FHIT: variants seen among roughly 807,000 people sequenced by gnomAD.
FHIT encodes the protein fragile histidine triad diadenosine triphosphatase, also known as bis(5'-adenosyl)-triphosphatase.
Under a neutral mutation model 17.9 loss-of-function variants are expected in FHIT, and 19 were observed. The ratio of observed to expected loss-of-function variants is 1.06; its 90% CI spans 0.74 to 1.56. The LOEUF is 1.56. Ranked by LOEUF, FHIT falls within the 40% of genes most tolerant of loss-of-function variation. FHIT has a pLI of 0.00. For missense variants in FHIT, 248 were observed against 189.2 expected (o/e 1.31, Z -1.82); for synonymous variants, 81 against 69.7 (o/e 1.16, Z -0.81).
At chr3:60,272,844 A>G (rs1706929786) in intron 5 of FHIT, among the ~76,000 whole-genome samples, 1 of 152,224 alleles carries the variant, frequency 6.6e-6, no homozygotes, top group African/African-American at 2.4e-5. Context: ...AGAATGAAAC[A>G]TGATAGCTCC....
chr3:59,873,070 A>ATTCC (rs1197471642), intron 8 of FHIT, among the ~76,000 whole-genome samples: 2 of 152,164 alleles, frequency 1.3e-5, no homozygotes, highest in African/African-American at 4.8e-5. Flanking sequence ...TTTTGACACA[A>ATTCC]TTCCTTCCTT....
intron 8 of FHIT, among the ~76,000 whole-genome samples, chr3:59,880,585 AT>A (rs1703367334): frequency 6.6e-6 from 1 of 152,148 alleles, no homozygotes; most frequent in Non-Finnish European, 1.5e-5. Flanking sequence ...CAAGCACTCA[AT>A]TTCTATGTGC....
chr3:60,855,137 G>A (rs1459111751), intron 3 of FHIT, among the ~76,000 whole-genome samples: 3 of 152,082 alleles, frequency 2.0e-5, no homozygotes, highest in Non-Finnish European at 4.4e-5. Context: ...GTGACAAAAT[G>A]TATTCTCCTT....
chr3:60,863,051 G>T (rs1703991702), intron 3 of FHIT, among the ~76,000 whole-genome samples: 1 of 152,150 alleles, frequency 6.6e-6, no homozygotes, highest in Non-Finnish European at 1.5e-5. Context: ...GGAAGAATCA[G>T]TCAGAGTGAG....
chr3:60,785,375 A>G (rs6791644), intron 4 of FHIT, among the ~76,000 whole-genome samples: 29,995 of 152,068 alleles, frequency 0.2, 3,938 homozygotes, highest in African/African-American at 0.38. Flanking sequence ...GAATCTGCAG[A>G]CCGGTGGAAG....
intron 2 of FHIT, among the ~76,000 whole-genome samples, chr3:61,178,469 C>T (rs552135229): frequency 1.3e-5 from 2 of 149,546 alleles, no homozygotes; most frequent in South Asian, 2.2e-4. Flanking sequence ...ACGTATGTGG[C>T]CTTCCAGAAT....
intron 5 of FHIT, among the ~76,000 whole-genome samples, chr3:60,261,987 C>A (rs534064726): frequency 6.6e-6 from 1 of 152,118 alleles, no homozygotes; most frequent in East Asian, 1.9e-4. Context: ...TATAATATTT[C>A]TCCCCTACCA....
chr3:59,887,837 T>A lies in FHIT; in HGVS notation c.348+34509A>T, dbSNP rs78618767. 1.8e-3 allele frequency among the ~76,000 whole-genome samples: 268 copies of A among 152,306 alleles called. 3 individuals carry two copies. In the East Asian group the frequency reaches 0.038, roughly 22 times the overall value. ...AGCGGGAGACCTTGCCAACTTCTGA[T>A]TGATCGTCTTCAATTCCCTTTCTCC... On this transcript the variant is annotated intron_variant, in intron 8 of 9. Coordinates refer to ENST00000492590, the MANE Select transcript of FHIT (RefSeq NM_002012.4).
In FHIT at chr3:60,060,219, T is replaced by A. The variant is rs551256101; in HGVS notation, c.104-46067A>T. 2.6e-5 allele frequency among the ~76,000 whole-genome samples: 4 copies of A among 152,038 alleles called. 1 individual carries two copies. In the East Asian group the frequency reaches 7.7e-4, roughly 29 times the overall value. On this transcript the variant is annotated intron_variant, in intron 5 of 9. Transcript: ENST00000492590. ...AAACCCAAATGTTTTCTGAATTCCATCCTCATGTTACACACTCAAAAAGTT... is the reference window on the plus strand; with the variant it reads ...AAACCCAAATGTTTTCTGAATTCCAACCTCATGTTACACACTCAAAAAGTT...
At chr3:59,865,880 G>A (rs1328069826) in intron 8 of FHIT, among the ~76,000 whole-genome samples, 1 of 152,158 alleles carries the variant, frequency 6.6e-6, no homozygotes, top group East Asian at 1.9e-4. Flanking sequence ...GCAGAGGCAG[G>A]AACGGGGAGA....
At chr3:60,463,486 T>C (rs1206170060) in intron 5 of FHIT, among the ~76,000 whole-genome samples, 3 of 152,224 alleles carry the variant, frequency 2.0e-5, no homozygotes, top group African/African-American at 7.2e-5. Context: ...ATGTCATTGA[T>C]AGTGACTAAA....
At chr3:60,173,915 A>ATATATATATATATATATCTTTTTTT in intron 5 of FHIT, among the ~76,000 whole-genome samples, 1 of 66,444 alleles carries the variant, frequency 1.5e-5, no homozygotes. Context: ...ATATATATAT[A>ATATATATATATATATATCTTTTTTT]TGTTTTTTTT....
intron 7 of FHIT, among the ~76,000 whole-genome samples, chr3:59,997,889 A>C (rs1462949818): frequency 6.6e-6 from 1 of 152,036 alleles, no homozygotes; most frequent in South Asian, 2.1e-4. Context: ...GCTATCTTTT[A>C]TTTTTTAAGC....
chr3:60,496,054 T>C (rs1360446507), intron 5 of FHIT, among the ~76,000 whole-genome samples: 2 of 151,932 alleles, frequency 1.3e-5, no homozygotes, highest in African/African-American at 4.8e-5. Context: ...ATTAGAAAAA[T>C]ATGAAAGTAC....
chr3:60,442,903 G>A (rs1431997010), intron 5 of FHIT, among the ~76,000 whole-genome samples: 5 of 152,170 alleles, frequency 3.3e-5, no homozygotes, highest in Non-Finnish European at 5.9e-5. Flanking sequence ...TCCTACCCAT[G>A]AGCATGGAAT....
At chr3:59,765,488 A>G (rs567321603) in intron 8 of FHIT, among the ~76,000 whole-genome samples, 15 of 152,308 alleles carry the variant, frequency 9.8e-5, no homozygotes, top group African/African-American at 3.6e-4. Context: ...AAAATTACCA[A>G]TGTTTGAAAG....
At chr3:60,241,033 A>T (rs1392834866) in intron 5 of FHIT, among the ~76,000 whole-genome samples, 2 of 152,166 alleles carry the variant, frequency 1.3e-5, no homozygotes, top group Non-Finnish European at 2.9e-5. Context: ...TCTTTATGCA[A>T]ACTTATCATA....
At chr3:60,057,486 C>T (rs185782829) in intron 5 of FHIT, among the ~76,000 whole-genome samples, 6 of 152,194 alleles carry the variant, frequency 3.9e-5, no homozygotes, top group East Asian at 1.9e-4. Flanking sequence ...AATTCTGACA[C>T]GTTACAACAT....
intron 4 of FHIT, among the ~76,000 whole-genome samples, chr3:60,699,924 A>G (rs1553701654): frequency 6.6e-6 from 1 of 152,022 alleles, no homozygotes; most frequent in Non-Finnish European, 1.5e-5. Flanking sequence ...CAGGTGGATC[A>G]TCTGAGGTCA....
Sources: gnomAD v4.1 joint callset for allele counts (sites outside exome capture counted in the v4.1 genomes callset) on GRCh38, gnomAD v4.1.1 for gene constraint, MANE v1.5 for transcripts, NCBI Gene and HGNC (gene_info 2026-07-23, HGNC 2026-07-21) for gene names.